The following ATP9B variants were observed in gnomAD, a reference collection of about 807,000 sequenced individuals.
ATP9B encodes probable phospholipid-transporting ATPase IIB.
ATP9B carries 110 observed loss-of-function variants against 146.1 expected under a neutral mutation model. The observed-to-expected ratio is 0.75, with a 90% CI of 0.65 to 0.88. The LOEUF (loss-of-function observed/expected upper bound fraction) is 0.88. Ranked by LOEUF, ATP9B falls within the 40% of genes least tolerant of loss-of-function variation. The pLI, the probability that ATP9B is intolerant of heterozygous loss-of-function variation, is 0.00. For missense variants in ATP9B, 1,499 were observed against 1,496.4 expected, an observed-to-expected ratio of 1.00 and a Z score of -0.03; for synonymous variants, 604 against 569.7, an observed-to-expected ratio of 1.06 and a Z score of -0.86.
chr18:79,334,311 C>T (rs1235337771), intron 17 of ATP9B, among the ~76,000 whole-genome samples: 1 of 151,884 alleles, frequency 6.6e-6, no homozygotes, highest in Non-Finnish European at 1.5e-5. Context: ...GAGCCGAGAT[C>T]GTGCCACTGC....
chr18:79,130,170 TA>T (rs1297216318), intron 5 of ATP9B, among the ~76,000 whole-genome samples: 1 of 152,190 alleles, frequency 6.6e-6, no homozygotes, highest in African/African-American at 2.4e-5. Flanking sequence ...ACAAAAAGTT[TA>T]AATCAGCTGT....
intron 8 of ATP9B, among the ~76,000 whole-genome samples, chr18:79,191,196 G>A (rs1382567950): frequency 6.6e-6 from 1 of 152,118 alleles, no homozygotes; most frequent in Non-Finnish European, 1.5e-5. Context: ...TGAGAAATCA[G>A]TGGTATTTTG....
chr18:79,284,774 C>A (rs1013042440), intron 13 of ATP9B, among the ~76,000 whole-genome samples: 1 of 147,932 alleles, frequency 6.8e-6, no homozygotes, highest in Non-Finnish European at 1.5e-5. Flanking sequence ...CTCCCCCCCA[C>A]CCCACCCCAC....
At chr18:79,103,891 T>C (rs1431194529) in intron 2 of ATP9B, among the ~76,000 whole-genome samples, 1 of 151,750 alleles carries the variant, frequency 6.6e-6, no homozygotes, top group African/African-American at 2.4e-5. Context: ...GGGCAGAGAG[T>C]TGACTGCTAC....
At chr18:79,363,278 A>G (rs1438590778) in intron 26 of ATP9B, 2 of 152,240 alleles carry the variant, frequency 1.3e-5, no homozygotes, top group East Asian at 1.9e-4. Flanking sequence ...AAAGTGAGAC[A>G]CTGAAGTGTA....
chr18:79,184,453 G>A (rs1454059206), intron 8 of ATP9B, among the ~76,000 whole-genome samples: 1 of 151,926 alleles, frequency 6.6e-6, no homozygotes, highest in Non-Finnish European at 1.5e-5. Context: ...TCCCTCCTCA[G>A]CCCTTTCTCA....
rs1568875957 is a variant in ATP9B at position 79,376,205 on chromosome 18, ACACACAC to A, written c.3307+780_3307+786del. ...CACACACACACACACACACACACAC[ACACACAC>A]ACAAAACAAAACAAAAAAATGGCTA... On this transcript the variant is annotated intron_variant, in intron 29 of 29. Coordinates refer to ENST00000426216, the MANE Select transcript of ATP9B (RefSeq NM_198531.5). 1,559 of 972,386 alleles carry A rather than the reference ACACACAC, an allele frequency of 1.6e-3. 1 individual carries two copies. The highest frequency in any genetic ancestry group is 2.6e-3 in the Middle Eastern group (5 of 1,888). 60.2% of individuals were successfully genotyped at this position (972,386 alleles called of 1,614,324 possible).
At chr18:79,179,483 T>C (rs2095223588) in intron 8 of ATP9B, among the ~76,000 whole-genome samples, 1 of 152,180 alleles carries the variant, frequency 6.6e-6, no homozygotes, top group Admixed American at 6.5e-5. Context: ...AAATAATTAA[T>C]AATTTAGTTA....
intron 13 of ATP9B, among the ~76,000 whole-genome samples, chr18:79,288,961 G>GT (rs2096472841): frequency 6.6e-6 from 1 of 152,198 alleles, no homozygotes; most frequent in Admixed American, 6.5e-5. Context: ...CTTCTGGCTT[G>GT]TAGAGTTTCT....
chr18:79,180,416 G>A (rs551724040), intron 8 of ATP9B, among the ~76,000 whole-genome samples: 1 of 152,126 alleles, frequency 6.6e-6, no homozygotes, highest in South Asian at 2.1e-4. Flanking sequence ...TTAACTTACC[G>A]CAATATTTCT....
At chr18:79,108,569 T>C (rs1401081902) in intron 2 of ATP9B, among the ~76,000 whole-genome samples, 1 of 152,188 alleles carries the variant, frequency 6.6e-6, no homozygotes, top group African/African-American at 2.4e-5. Context: ...GCTCAGTCTT[T>C]GTGTGCTGCG....
At chr18:79,073,035 G>A (rs560362880) in intron 1 of ATP9B, among the ~76,000 whole-genome samples, 122 of 151,650 alleles carry the variant, frequency 8.0e-4, no homozygotes, top group South Asian at 6.9e-3. Context: ...CAGACTGGGC[G>A]GCGGGGCAGA....
At chr18:79,075,993 G>A (rs1033531705) in intron 1 of ATP9B, among the ~76,000 whole-genome samples, 2 of 152,132 alleles carry the variant, frequency 1.3e-5, no homozygotes, top group East Asian at 1.9e-4. Context: ...TCATTGCAGT[G>A]TACTGTTGTT....
At chr18:79,349,973 C>G (rs2096913819) in intron 25 of ATP9B, among the ~76,000 whole-genome samples, 1 of 145,616 alleles carries the variant, frequency 6.9e-6, no homozygotes, top group Non-Finnish European at 1.5e-5. Context: ...CTCCTGCGTG[C>G]TCTACAAGGA....
intron 25 of ATP9B, among the ~76,000 whole-genome samples, chr18:79,348,397 C>T (rs1600251231): frequency 6.6e-6 from 1 of 152,206 alleles, no homozygotes; most frequent in Non-Finnish European, 1.5e-5. Flanking sequence ...CTGGGATTTT[C>T]TTATTAGATT....
At position 79,377,274 on chromosome 18, in the gene ATP9B, T is replaced by C. The variant is rs1317403657; in HGVS notation, c.3335T>C (p.Phe1112Ser). 1 of 1,612,474 alleles carries C rather than the reference T, an allele frequency of 6.2e-7. No homozygotes were observed. Among genetic ancestry groups the C allele is most frequent in the Non-Finnish European group, 8.5e-7 (1 of 1,180,028 alleles). Residue 1112 changes from phenylalanine (F) to serine (S), a missense_variant, in exon 30 of 30, where the codon TTC becomes TCC. Physicochemically the swap from Phe to Ser is radical, Grantham distance 155. Coordinates refer to ENST00000426216, the MANE Select transcript of ATP9B (RefSeq NM_198531.5). ...GTTGCCTTTATCACCACCGTGACCT[T>C]CCTGTGGAAAGTGTCGGCGATCACC... ...LDVAFITTVT[F>S]LWKVSAITVV...
intron 26 of ATP9B, among the ~76,000 whole-genome samples, chr18:79,367,890 G>C (rs1409491581): frequency 6.6e-6 from 1 of 152,260 alleles, no homozygotes; most frequent in Non-Finnish European, 1.5e-5. Flanking sequence ...TAAGGACGGG[G>C]AGACAGAGGC....
chr18:79,085,783 A>G (rs576447669), intron 1 of ATP9B: 5 of 152,314 alleles, frequency 3.3e-5, no homozygotes, highest in South Asian at 2.1e-4. Context: ...GCAATCTTAC[A>G]ATAGTTAAGT....
At chr18:79,256,284 T>TATATATATATATATATATATATACATAC (rs1217998447) in intron 12 of ATP9B, among the ~76,000 whole-genome samples, 1 of 122,896 alleles carries the variant, frequency 8.1e-6, no homozygotes, top group Non-Finnish European at 1.8e-5. Flanking sequence ...TATATATATA[T>TATATATATATATATATATATATACATAC]ATACATACAT....
Sources: allele counts gnomAD v4.1 joint callset (sites outside exome capture counted in the v4.1 genomes callset), GRCh38; gene constraint gnomAD v4.1.1; transcripts MANE v1.5; gene names NCBI Gene and HGNC (gene_info 2026-07-23, HGNC 2026-07-21).